Variants in ZNF638 observed in about 807,000 individuals in gnomAD.
The protein encoded by ZNF638 is zinc finger protein 638, also known as CTCL tumor antigen se33-1.
ZNF638 carries 46 observed loss-of-function variants against 195.6 expected under a neutral mutation model. The observed-to-expected ratio is 0.24, with a 90% CI of 0.19 to 0.30. ZNF638 has a LOEUF of 0.30. Ranked by LOEUF, ZNF638 falls within the 10% of genes least tolerant of loss-of-function variation. The pLI is 1.00. For missense variants in ZNF638, 2,440 were observed against 2,325.3 expected (o/e 1.05, Z -1.01); for synonymous variants, 845 against 772.0 (o/e 1.09, Z -1.57).
intron 3 of ZNF638, among the ~76,000 whole-genome samples, chr2:71,359,866 T>A (rs2079080443): frequency 6.6e-6 from 1 of 152,178 alleles, no homozygotes; most frequent in Non-Finnish European, 1.5e-5. Flanking sequence ...CTTTCTGGAT[T>A]ATGATACAAG....
At chr2:71,409,611 AT>A (rs1455952622) in intron 20 of ZNF638, among the ~76,000 whole-genome samples, 1 of 152,110 alleles carries the variant, frequency 6.6e-6, no homozygotes, top group South Asian at 2.1e-4. Flanking sequence ...CCACATTTTC[AT>A]TTTCATAAGT....
Position 71,426,704 on chromosome 2 carries a change from C to T in ZNF638, c.4835C>T (p.Ala1612Val), listed in dbSNP as rs1400273091. The T allele has an allele frequency of 2.5e-6, 4 of 1,614,024 alleles. No homozygotes were observed. Among genetic ancestry groups the T allele is most frequent in the African/African-American group, 1.3e-5 (1 of 74,908 alleles). Residue 1612 changes from alanine to valine, a missense_variant, in exon 24 of 28, where the codon GCA becomes GTA. Transcript: ENST00000264447. ...DEIGEEEDAAAHLAQALVTVD... is the reference protein window; with the variant it reads ...DEIGEEEDAAVHLAQALVTVD... Reference sequence around the variant, plus strand: ...ATTGGGGAAGAGGAAGATGCAGCTGCACATCTAGCACAAGCTCTAGTCACT... The same window carrying T: ...ATTGGGGAAGAGGAAGATGCAGCTGTACATCTAGCACAAGCTCTAGTCACT...
At chr2:71,389,812 C>A (rs2079733008) in intron 10 of ZNF638, among the ~76,000 whole-genome samples, 1 of 152,118 alleles carries the variant, frequency 6.6e-6, no homozygotes, top group Admixed American at 6.5e-5. Flanking sequence ...ATCCCCAGGC[C>A]GCTGATAATC....
intron 3 of ZNF638, among the ~76,000 whole-genome samples, chr2:71,362,324 T>C (rs2079123878): frequency 6.6e-6 from 1 of 152,252 alleles, no homozygotes; most frequent in Admixed American, 6.5e-5. Context: ...GGCTTCTACA[T>C]GCCTGATTTC....
chr2:71,422,435 A>G (rs2080451714), intron 21 of ZNF638, among the ~76,000 whole-genome samples: 1 of 152,164 alleles, frequency 6.6e-6, no homozygotes, highest in Admixed American at 6.5e-5. Flanking sequence ...TTATTGTAGA[A>G]CTGTACACAT....
chr2:71,427,012 G>T lies in ZNF638; in HGVS notation c.5143G>T (p.Val1715Leu). The T allele has an allele frequency of 6.2e-7, 1 of 1,613,238 alleles. No homozygotes were observed. Among genetic ancestry groups the T allele is most frequent in the Non-Finnish European group, 8.5e-7 (1 of 1,179,690 alleles). Residue 1715 changes from valine to leucine, a missense_variant, in exon 24 of 28, where the codon GTA (valine) becomes TTA (leucine). Val to Leu is a conservative substitution (Grantham distance 32, BLOSUM62 1). Around this residue, in one of 5 missense-constraint regions of ZNF638, gnomAD observed 1,883 missense variants for 1,739.1 expected, o/e 1.08. Coordinates refer to ENST00000264447, the MANE Select transcript of ZNF638 (RefSeq NM_014497.5). The part of the protein sequence containing the change: ...LNTKGNEGDT[V>L]RDSIGFISSQ... ...TACTAAAGGAAATGAAGGAGATACTGTAAGGGATTCCATTGGCTTCATTTC... is the reference window on the plus strand; with the variant it reads ...TACTAAAGGAAATGAAGGAGATACTTTAAGGGATTCCATTGGCTTCATTTC...
At chr2:71,403,007 C>T (rs2080036888) in intron 16 of ZNF638, among the ~76,000 whole-genome samples, 1 of 152,084 alleles carries the variant, frequency 6.6e-6, no homozygotes, top group Admixed American at 6.6e-5. Flanking sequence ...AGTAAATACA[C>T]TAAAACCCAT....
chr2:71,372,313 G>C lies in ZNF638; in HGVS notation c.2265+2308G>C, dbSNP rs142187200. ...GTAGTGAGACTTGCCAAGAAATTCA[G>C]ATTCTTATTGCCGGGATGGATGAGT... On this transcript the variant is annotated intron_variant, in intron 8 of 27. Coordinates refer to ENST00000264447, the MANE Select transcript of ZNF638 (RefSeq NM_014497.5). 1.2e-3 allele frequency among the ~76,000 whole-genome samples: 188 copies of C among 152,276 alleles called. 2 individuals are homozygous for C. Among genetic ancestry groups the C allele is most frequent in the African/African-American group, 4.2e-3 (176 of 41,542 alleles).
At chr2:71,352,054 G>A (rs1399132725) in intron 2 of ZNF638, among the ~76,000 whole-genome samples, 1 of 152,204 alleles carries the variant, frequency 6.6e-6, no homozygotes, top group East Asian at 1.9e-4. Flanking sequence ...TTATAGCCTA[G>A]TTAGACTAAT....
At chr2:71,406,381 C>A in intron 19 of ZNF638, 119 bp downstream of exon 19, 1 of 874,282 alleles carries the variant, frequency 1.1e-6, no homozygotes. Context: ...AACCACTTCG[C>A]AGAATTATTA....
chr2:71,399,143 T>C (rs1260012692), intron 12 of ZNF638, among the ~76,000 whole-genome samples: 1 of 152,210 alleles, frequency 6.6e-6, no homozygotes, highest in Non-Finnish European at 1.5e-5. Context: ...TTAAAAAGGA[T>C]GTTAGGAGAA....
chr2:71,423,631 C>G lies in ZNF638; in HGVS notation c.4117C>G (p.Pro1373Ala). Reference sequence around the variant, plus strand: ...TAAAGGAGTGGGTCAGGCTAATAAGCCTGATGAAACTAGTAAAACTAGTAT... The same window carrying G: ...TAAAGGAGTGGGTCAGGCTAATAAGGCTGATGAAACTAGTAAAACTAGTAT... ...PNKGVGQANKPDETSKTSILA... is the reference protein window; with the variant it reads ...PNKGVGQANKADETSKTSILA... The change falls in exon 22 of 28, where the codon CCT becomes GCT. Residue 1373 changes from proline (P) to alanine (A), a missense_variant. Pro to Ala is a conservative substitution (Grantham distance 27). This residue lies in a region of ZNF638 where 1,883 missense variants were observed against 1,739.1 expected (regional missense o/e 1.08). Coordinates refer to ENST00000264447, the MANE Select transcript of ZNF638 (RefSeq NM_014497.5). 1 of 1,613,748 alleles carries G rather than the reference C, an allele frequency of 6.2e-7. No homozygotes were observed. Among genetic ancestry groups the G allele is most frequent in the Non-Finnish European group, 8.5e-7 (1 of 1,179,944 alleles).
At chr2:71,391,862 T>G (rs1262733358) in intron 10 of ZNF638, among the ~76,000 whole-genome samples, 1 of 152,174 alleles carries the variant, frequency 6.6e-6, no homozygotes, top group Admixed American at 6.5e-5. Flanking sequence ...GACCAAGTTA[T>G]TTCTCAGAGA....
At chr2:71,427,775 T>C (rs1324208849) in intron 24 of ZNF638, among the ~76,000 whole-genome samples, 2 of 152,242 alleles carry the variant, frequency 1.3e-5, no homozygotes, top group African/African-American at 4.8e-5. Context: ...AGTTTTTGCT[T>C]AGACTTAGAA....
At chr2:71,386,793 G>A (rs781149693) in intron 10 of ZNF638, among the ~76,000 whole-genome samples, 7 of 152,094 alleles carry the variant, frequency 4.6e-5, no homozygotes, top group Non-Finnish European at 8.8e-5. Context: ...CATAAAATGA[G>A]CCTTAAATGA....
At chr2:71,380,398 A>G in intron 9 of ZNF638, 115 bp from the exon 10 acceptor site, 2 of 1,098,630 alleles carry the variant, frequency 1.8e-6, no homozygotes, top group African/African-American at 1.6e-5. Flanking sequence ...TTTAAGAGGG[A>G]TATCACTCCA....
At chr2:71,355,857 C>A in intron 3 of ZNF638, 77 bp downstream of exon 3, 1 of 779,284 alleles carries the variant, frequency 1.3e-6, no homozygotes, top group South Asian at 2.1e-5. Flanking sequence ...TGTTAAATAC[C>A]TTTAGTATAA....
At chr2:71,342,388 C>T (rs756500584) in intron 1 of ZNF638, among the ~76,000 whole-genome samples, 20 of 152,222 alleles carry the variant, frequency 1.3e-4, no homozygotes, top group Non-Finnish European at 2.5e-4. Context: ...CCACCACCAC[C>T]GCCCCTTGCC....
At chr2:71,431,229 T>G in intron 25 of ZNF638, 98 bp from the exon 26 acceptor site, 1 of 1,051,024 alleles carries the variant, frequency 9.5e-7, no homozygotes, top group African/African-American at 1.6e-5. Context: ...CAAAGGGAGG[T>G]TTTCCCTGAG....
Sources: gnomAD v4.1 joint callset for allele counts (sites outside exome capture counted in the v4.1 genomes callset) on GRCh38, gnomAD v4.1.1 for gene constraint, gnomAD v4.1.1 regional missense constraint, MANE v1.5 for transcripts, NCBI Gene and HGNC (gene_info 2026-07-23, HGNC 2026-07-21) for gene names.